The following ADAM8 variants were observed in gnomAD, a reference collection of about 807,000 sequenced individuals.
ADAM8 encodes the protein disintegrin and metalloproteinase domain-containing protein 8.
A neutral mutation model predicts 102.4 loss-of-function variants in ADAM8; 104 were observed. That is an observed-to-expected ratio of 1.02 (90% CI 0.87 to 1.20). The LOEUF (loss-of-function observed/expected upper bound fraction) is 1.20. Ranked by LOEUF, ADAM8 falls within the 50% of genes most tolerant of loss-of-function variation. The pLI is 0.00. For missense variants in ADAM8, 1,132 were observed against 1,159.0 expected (o/e 0.98, Z 0.34); for synonymous variants, 517 against 485.2 (o/e 1.07, Z -0.86).
Position 133,272,175 on chromosome 10 carries a change from G to T in ADAM8, c.957+18C>A. ...GCTCTGGCCTCGGCCTGGCAAACCCGGGCAGGAGCCCCCTCACCTGGTTCA... is the reference window on the plus strand; with the variant it reads ...GCTCTGGCCTCGGCCTGGCAAACCCTGGCAGGAGCCCCCTCACCTGGTTCA... On this transcript the variant is annotated intron_variant, in intron 10 of 22. Transcript: ENST00000445355. 2 of 1,549,512 alleles carry T rather than the reference G, an allele frequency of 1.3e-6. No individual in the cohort carries two copies. Among genetic ancestry groups the T allele is most frequent in the South Asian group, 2.4e-5 (2 of 84,028 alleles).
intron 20 of ADAM8, among the ~76,000 whole-genome samples, 161 bp from the exon 21 acceptor site, chr10:133,267,578 T>TC (rs1846364644): frequency 6.6e-6 from 1 of 152,142 alleles, no homozygotes; most frequent in Admixed American, 6.5e-5. Context: ...GCCCCATTCC[T>TC]CCCCTCAGCC....
chr10:133,272,912 C>A (rs372119544), intron 7 of ADAM8, 45 bp downstream of exon 7: 40 of 1,610,716 alleles, frequency 2.5e-5, no homozygotes, highest in Non-Finnish European at 3.2e-5. Flanking sequence ...ACCCCCCATG[C>A]CCCCGCCGCC....
At position 133,273,339 on chromosome 10, in the gene ADAM8, G is replaced by A. The variant is rs371466795; in HGVS notation, c.488C>T (p.Thr163Met). The part of the protein sequence containing the change: ...AVYQAEHLLQ[T>M]AGTCGVSDDS... ...GTCGCTGACCCCGCAGGTCCCGGCC[G>A]TCTGCAGCAGGTGCTCAGCCTGGTA... The change falls in exon 6 of 23, where the codon ACG (threonine) becomes ATG (methionine). Residue 163 changes from threonine (T) to methionine (M), a missense_variant. Transcript: ENST00000445355. The A allele has an allele frequency of 5.9e-5, 93 of 1,572,048 alleles. No homozygotes were observed. The highest frequency in any genetic ancestry group is 4.3e-4 in the African/African-American group (32 of 74,022).
intron 10 of ADAM8, 66 bp downstream of exon 10, chr10:133,272,127 C>G (rs1223490679): frequency 2.0e-6 from 3 of 1,516,278 alleles, no homozygotes; most frequent in Non-Finnish European, 2.7e-6. Flanking sequence ...AGACCTGGAC[C>G]GAGGCGTCCC....
intron 9 of ADAM8, 53 bp downstream of exon 9, chr10:133,272,363 C>CT: frequency 1.7e-6 from 2 of 1,189,454 alleles, no homozygotes; most frequent in Non-Finnish European, 2.3e-6. Context: ...CCACCCCACC[C>CT]TGCCCGCCCT....
chr10:133,276,819 G>A lies in ADAM8; in HGVS notation c.-2C>T. The A allele has an allele frequency of 1.3e-6, 2 of 1,526,726 alleles. No individual in the cohort carries two copies. Among genetic ancestry groups the A allele is most frequent in the East Asian group, 2.6e-5 (1 of 38,504 alleles). The allele number at this position is 1,526,726 out of a possible 1,614,324, so 94.6% of individuals were successfully genotyped here. A position where few individuals can be genotyped will look rare whatever the true frequency, so the allele number is the denominator to read the frequency against. On this transcript the variant is annotated 5_prime_UTR_variant, in exon 1 of 23. Transcript: ENST00000445355. Reference sequence around the variant, plus strand: ...CAGCCAGAGCCCGAGGCCGCGCATGGCCGGGTCGGGGAGCAGAGGCGGAGG... The same window carrying A: ...CAGCCAGAGCCCGAGGCCGCGCATGACCGGGTCGGGGAGCAGAGGCGGAGG...
Position 133,267,960 on chromosome 10 carries a change from G to T in ADAM8, c.2222C>A (p.Ser741Tyr), listed in dbSNP as rs552936179. ...HPGQPARHPA[S>Y]SVALKRPPPA... ...GGGCGGCCTCTTCAGAGCCACCGAG[G>T]AGGCCGGGTGTCGGGCGGGCTGGCC... Residue 741 changes from serine to tyrosine, a missense_variant, in exon 20 of 23, where the codon TCC becomes TAC. Transcript: ENST00000445355. 3.2e-5 allele frequency: 41 copies of T among 1,261,976 alleles called. No individual in the cohort carries two copies. The African/African-American group carries it at 5.7e-4, about 17-fold the overall frequency. The allele number at this position is 1,261,976 out of a possible 1,614,324, so 78.2% of individuals were successfully genotyped here.
intron 10 of ADAM8, 92 bp downstream of exon 10, chr10:133,272,101 A>AG (rs1294989361): frequency 6.7e-7 from 1 of 1,501,328 alleles, no homozygotes; most frequent in Admixed American, 2.0e-5. Flanking sequence ...GCCTGAGGGG[A>AG]GGTGGCCTGC....
At chr10:133,274,061 C>T in intron 3 of ADAM8, 32 bp from the exon 4 acceptor site, 1 of 1,595,742 alleles carries the variant, frequency 6.3e-7, no homozygotes, top group Non-Finnish European at 8.5e-7. Context: ...TGCCTCGGCC[C>T]CCTCGGTGCA....
intron 18 of ADAM8, chr10:133,269,149 G>T: frequency 1.0e-6 from 1 of 985,442 alleles, no homozygotes; most frequent in Middle Eastern, 5.2e-4. Context: ...ATGCTGGGTG[G>T]CCTCAGGGCC....
rs1441608238 is a variant in ADAM8 at position 133,273,932 on chromosome 10, T to C, written c.306+19A>G. The C allele has an allele frequency of 5.7e-6, 9 of 1,582,558 alleles. No homozygotes were observed. Among genetic ancestry groups the C allele is most frequent in the Non-Finnish European group, 7.7e-6 (9 of 1,168,386 alleles). On this transcript the variant is annotated intron_variant, in intron 4 of 22. Coordinates refer to ENST00000445355, the MANE Select transcript of ADAM8 (RefSeq NM_001109.5). ...CCCAGCCCCTACCTGCCCGCCCAGC[T>C]GCTCCGCCCGACCCATACCTGCCCG...
At chr10:133,272,676 C>T (rs549583711) in intron 8 of ADAM8, 91 bp from the exon 9 acceptor site, 328 of 1,535,106 alleles carry the variant, frequency 2.1e-4, no homozygotes, top group Non-Finnish European at 2.7e-4. Context: ...TGTCCCACGG[C>T]GAGGTGGGGC....
chr10:133,268,969 T>C (rs1846426468), intron 18 of ADAM8, 107 bp from the exon 19 acceptor site: 9 of 1,504,412 alleles, frequency 6.0e-6, no homozygotes, highest in Non-Finnish European at 8.0e-6. Context: ...GGCTGTGCCC[T>C]GTGGACCCCT....
rs1464122755 is a variant in ADAM8 at position 133,273,203 on chromosome 10, G to A, written c.573+51C>T. 3.1e-6 allele frequency: 5 copies of A among 1,589,038 alleles called. No homozygotes were observed. In the East Asian group the frequency reaches 6.8e-5, roughly 22 times the overall value. ...GGAGCCAGGAGGACTCACAGGCCAG[G>A]CAAGTGGACACCGGCAGGGCCAGCC... On this transcript the variant is annotated intron_variant, in intron 6 of 22. Coordinates refer to ENST00000445355, the MANE Select transcript of ADAM8 (RefSeq NM_001109.5).
At chr10:133,273,584 G>A (rs1846631167) in intron 5 of ADAM8, 141 bp from the exon 6 acceptor site, 5 of 1,257,792 alleles carry the variant, frequency 4.0e-6, no homozygotes, top group Admixed American at 2.6e-5. Context: ...TCAGGCCCCA[G>A]GGTACAGGAG....
intron 1 of ADAM8, 69 bp downstream of exon 1, chr10:133,276,703 C>A (rs907540242): frequency 6.6e-7 from 1 of 1,509,958 alleles, no homozygotes; most frequent in Admixed American, 2.1e-5. Flanking sequence ...TCGGGGTCCG[C>A]GTCGCGTCCT....
rs779946949 is a variant in ADAM8, at chr10:133,271,885, C to G, written c.1027G>C (p.Asp343His). 6.2e-7 allele frequency: 1 copy of G among 1,612,736 alleles called. No individual in the cohort carries two copies. The highest frequency in any genetic ancestry group is 2.2e-5 in the East Asian group (1 of 44,872). Residue 343 changes from aspartate (D) to histidine (H), a missense_variant, in exon 11 of 23, where the codon GAC becomes CAC. Asp to His is a moderately conservative substitution (Grantham distance 81). Coordinates refer to ENST00000445355, the MANE Select transcript of ADAM8 (RefSeq NM_001109.5). ...CAGCCCTGGACGTTCTCATCATGGT[C>G]CATGCCCAGGTTGTGGCCCATCTCA... ...AHEMGHNLGM[D>H]HDENVQGCRC... is the part of the protein sequence containing the mutation.
In ADAM8 at chr10:133,275,503, C is replaced by T. The variant is rs745491527; in HGVS notation, c.131G>A (p.Arg44Gln). 1.4e-5 allele frequency: 22 copies of T among 1,533,894 alleles called. No homozygotes were observed. The highest frequency in any genetic ancestry group is 1.8e-5 in the Non-Finnish European group (21 of 1,140,650). Residue 44 changes from arginine to glutamine, a missense_variant, in exon 2 of 23, where the codon CGA (arginine) becomes CAA (glutamine). Physicochemically the swap from Arg to Gln is conservative, Grantham distance 43 (BLOSUM62 1). Transcript: ENST00000445355. The part of the protein sequence containing the change: ...PWRLPGPRVR[R>Q]ALPSHLGLHP... Reference sequence around the variant, plus strand: ...ACTCACCAAGTGGGAGGGCAGAGCTCGGCGGACTCGGGGGCCTGGCAGACG... The same window carrying T: ...ACTCACCAAGTGGGAGGGCAGAGCTTGGCGGACTCGGGGGCCTGGCAGACG...
intron 16 of ADAM8, among the ~76,000 whole-genome samples, 177 bp from the exon 17 acceptor site, chr10:133,270,151 C>T (rs545234663): frequency 8.5e-5 from 13 of 152,350 alleles, no homozygotes; most frequent in African/African-American, 3.1e-4. Flanking sequence ...CCTCCTGGGG[C>T]ACGTGGCCGC....
Sources: gnomAD v4.1 joint callset for allele counts (sites outside exome capture counted in the v4.1 genomes callset) on GRCh38, gnomAD v4.1.1 for gene constraint, MANE v1.5 for transcripts, NCBI Gene and HGNC (gene_info 2026-07-23, HGNC 2026-07-21) for gene names.